The following USH2A variants were observed in gnomAD, a reference collection of about 807,000 sequenced individuals.
USH2A encodes Usher syndrome 2A (autosomal recessive, mild).
USH2A carries 443 observed loss-of-function variants against 538.9 expected under a neutral mutation model. The ratio of observed to expected loss-of-function variants is 0.82; its 90% confidence interval spans 0.76 to 0.89. USH2A has a LOEUF of 0.89. USH2A is among the 40% of genes least tolerant of loss of function. USH2A has a pLI of 0.00. For synonymous variants in USH2A, 2,413 were observed against 2,273.5 expected (o/e 1.06, Z -1.75); for missense variants, 6,633 against 6,324.8 (o/e 1.05, Z -1.65).
At chr1:215,762,343 C>G (rs1571660596) in intron 56 of USH2A, among the ~76,000 whole-genome samples, 1 of 152,144 alleles carries the variant, frequency 6.6e-6, no homozygotes, top group Admixed American at 6.6e-5. Context: ...CACCAAGGTA[C>G]TAGAATGGCT....
At chr1:215,995,861 A>G (rs572042492) in intron 34 of USH2A, among the ~76,000 whole-genome samples, 1 of 152,328 alleles carries the variant, frequency 6.6e-6, no homozygotes, top group African/African-American at 2.4e-5. Flanking sequence ...ATAAAATTTT[A>G]TCAATTATTT....
intron 3 of USH2A, among the ~76,000 whole-genome samples, chr1:216,376,904 G>C (rs1214929471): frequency 6.6e-6 from 1 of 152,136 alleles, no homozygotes. Context: ...CTTACACTGT[G>C]CATGAGTTAT....
intron 61 of USH2A, among the ~76,000 whole-genome samples, chr1:215,689,505 TG>T (rs1388992843): frequency 6.6e-6 from 1 of 152,214 alleles, no homozygotes; most frequent in African/African-American, 2.4e-5. Flanking sequence ...TCCCCCTGAG[TG>T]CAGTCAGGGC....
chr1:215,858,360 C>T (rs916404753), intron 44 of USH2A, among the ~76,000 whole-genome samples: 3 of 151,670 alleles, frequency 2.0e-5, no homozygotes, highest in Non-Finnish European at 4.4e-5. Flanking sequence ...GTGTCAAGGG[C>T]AGGACCTGGT....
chr1:216,210,978 AAAC>A (rs1009722908), intron 15 of USH2A, among the ~76,000 whole-genome samples: 3 of 150,880 alleles, frequency 2.0e-5, no homozygotes, highest in Non-Finnish European at 3.0e-5. Context: ...ACTCTGTCTA[AAAC>A]AACAACAACA....
rs141060783 is a variant in USH2A at position 216,414,931 on chromosome 1, C to T, written c.651+3583G>A. Among the ~76,000 whole-genome samples the T allele has an allele frequency of 2.6e-3, 392 of 152,208 alleles. 2 individuals carry two copies. The highest frequency in any genetic ancestry group is 9.1e-3 in the African/African-American group (377 of 41,544). ...ATGGAGTTTAGATGCATTATATAAT[C>T]ATGCAACAGTAAGTTACATTTTATA... On this transcript the variant is annotated intron_variant, in intron 3 of 71. Transcript: ENST00000307340.
chr1:215,835,418 C>T (rs1282790857), intron 47 of USH2A, among the ~76,000 whole-genome samples: 1 of 152,002 alleles, frequency 6.6e-6, no homozygotes, highest in Admixed American at 6.6e-5. Context: ...GAAACTTAGC[C>T]AAAAAGCCCA....
At chr1:215,927,144 C>T (rs1666257398) in intron 38 of USH2A, among the ~76,000 whole-genome samples, 1 of 152,068 alleles carries the variant, frequency 6.6e-6, no homozygotes, top group Non-Finnish European at 1.5e-5. Context: ...GCACTGTTAA[C>T]AGAAACCGTT....
At chr1:215,758,440 C>T (rs1296436908) in intron 58 of USH2A, among the ~76,000 whole-genome samples, 155 bp downstream of exon 58, 2 of 152,152 alleles carry the variant, frequency 1.3e-5, no homozygotes, top group Non-Finnish European at 2.9e-5. Context: ...TGCGTCTATA[C>T]ACTTAGAAGT....
Position 215,728,287 on chromosome 1 carries a change from G to A in USH2A, c.11809C>T (p.Leu3937Phe). 1 of 1,614,180 alleles carries A rather than the reference G, an allele frequency of 6.2e-7. No homozygotes were observed. Among genetic ancestry groups the A allele is most frequent in the South Asian group, 1.1e-5 (1 of 91,078 alleles). Residue 3937 changes from leucine (L) to phenylalanine (F), a missense_variant, in exon 61 of 72, where the codon CTC becomes TTC. Physicochemically the swap from Leu to Phe is conservative, Grantham distance 22 (BLOSUM62 0). Coordinates refer to ENST00000307340, the MANE Select transcript of USH2A (RefSeq NM_206933.4). ...DEGDTLRPFTLYEYRVRACNS... is the reference protein window; with the variant it reads ...DEGDTLRPFTFYEYRVRACNS... The stretch of plus-strand genomic sequence containing the variant: ...CAGGCTCTGACCCGATATTCGTAGA[G>A]TGTGAAAGGCCTCAGGGTGTCTCCT...
At chr1:216,217,609 T>C in intron 14 of USH2A, 59 bp from the exon 15 acceptor site, 1 of 1,590,338 alleles carries the variant, frequency 6.3e-7, no homozygotes, top group Non-Finnish European at 8.6e-7. Flanking sequence ...TAATTCATAG[T>C]ATAAGTTACA....
In USH2A at chr1:215,681,332, A is replaced by AACACACACAC. The variant is rs10625816; in HGVS notation, c.12067-966_12067-957dup. On this transcript the variant is annotated intron_variant, in intron 61 of 71. Transcript: ENST00000307340. ...GTTCATAGGTAAACACACACACACG[A>AACACACACAC]ACACACACACACACACACACACACA... Among the ~76,000 whole-genome samples the AACACACACAC allele has an allele frequency of 6.2e-3, 916 of 148,190 alleles. 10 individuals carry two copies. Among genetic ancestry groups the AACACACACAC allele is most frequent in the African/African-American group, 0.022 (879 of 40,442 alleles).
intron 3 of USH2A, among the ~76,000 whole-genome samples, chr1:216,370,458 G>C (rs543826546): frequency 6.6e-6 from 1 of 151,410 alleles, no homozygotes; most frequent in Non-Finnish European, 1.5e-5. Flanking sequence ...TCACGAGGTA[G>C]GTAAAGAGGT....
Position 216,351,144 on chromosome 1 carries a change from T to TAA in USH2A, c.784+13807_784+13808dup, listed in dbSNP as rs966822473. On this transcript the variant is annotated intron_variant, in intron 4 of 71. Transcript: ENST00000307340. Reference sequence around the variant, plus strand: ...GGGGTATATCAGTGAGTAATGCAAATAAAAAAAATCTTGCTTTCTCTTTTA... The same window carrying TAA: ...GGGGTATATCAGTGAGTAATGCAAATAAAAAAAAAATCTTGCTTTCTCTTTTA... 2.6e-5 allele frequency among the ~76,000 whole-genome samples: 4 copies of TAA among 152,036 alleles called. No homozygotes were observed. The East Asian group carries it at 7.7e-4, about 29-fold the overall frequency.
At chr1:216,162,460 C>A (rs928437359) in intron 21 of USH2A, among the ~76,000 whole-genome samples, 1 of 151,976 alleles carries the variant, frequency 6.6e-6, no homozygotes, top group African/African-American at 2.4e-5. Context: ...TCTTTGTCTG[C>A]CTCTATCGAC....
At chr1:215,687,159 T>C (rs1262645188) in intron 61 of USH2A, among the ~76,000 whole-genome samples, 2 of 152,220 alleles carry the variant, frequency 1.3e-5, no homozygotes, top group African/African-American at 4.8e-5. Context: ...AATGTACTCA[T>C]AAGTGTTAAA....
At chr1:215,950,909 G>T (rs1006283904) in intron 37 of USH2A, among the ~76,000 whole-genome samples, 26 of 151,996 alleles carry the variant, frequency 1.7e-4, no homozygotes, top group African/African-American at 6.0e-4. Context: ...TGTAACAATT[G>T]AAAATTTATT....
intron 70 of USH2A, chr1:215,630,069 T>A: frequency 2.0e-6 from 1 of 512,818 alleles, no homozygotes; most frequent in Non-Finnish European, 3.9e-6. Flanking sequence ...TTTTCACTCA[T>A]GTTGTTCAGC....
intron 61 of USH2A, among the ~76,000 whole-genome samples, chr1:215,706,235 C>T (rs192210592): frequency 4.3e-4 from 66 of 152,226 alleles, no homozygotes; most frequent in Non-Finnish European, 6.8e-4. Context: ...ACTAGTACTA[C>T]CAGACTTTGC....
Sources: allele counts gnomAD v4.1 joint callset (sites outside exome capture counted in the v4.1 genomes callset), GRCh38; gene constraint gnomAD v4.1.1; transcripts MANE v1.5; gene names NCBI Gene and HGNC (gene_info 2026-07-23, HGNC 2026-07-21).